The following CCDC169 variants were observed in gnomAD, a reference collection of about 807,000 sequenced individuals.
The protein encoded by CCDC169 is coiled-coil domain-containing protein 169.
A neutral mutation model predicts 36.0 loss-of-function variants in CCDC169; 30 were observed. That is an observed-to-expected ratio of 0.83 (90% CI 0.62 to 1.13). The LOEUF (loss-of-function observed/expected upper bound fraction) is 1.13, where lower values mean the gene tolerates loss of function less well. CCDC169 is among the 50% of genes most tolerant of loss of function. CCDC169 has a pLI of 0.00. For missense variants in CCDC169, 245 were observed against 245.9 expected (o/e 1.00, Z 0.03); for synonymous variants, 85 against 81.5 (o/e 1.04, Z -0.23).
downstream of CCDC169, among the ~76,000 whole-genome samples, chr13:36,228,183 C>G (rs1043251564): frequency 6.6e-6 from 1 of 152,068 alleles, no homozygotes; most frequent in Non-Finnish European, 1.5e-5. Context: ...GGGCATATAC[C>G]GAAGAGACTT....
intron 6 of CCDC169, among the ~76,000 whole-genome samples, 187 bp from the exon 7 acceptor site, chr13:36,248,869 T>G (rs1872802938): frequency 6.7e-6 from 1 of 150,042 alleles, no homozygotes; most frequent in South Asian, 2.1e-4. Flanking sequence ...ATTCTGGAAA[T>G]CCCCCTATCT....
intron 1 of CCDC169, among the ~76,000 whole-genome samples, chr13:36,297,103 T>A (rs1274550949): frequency 6.6e-6 from 1 of 152,174 alleles, no homozygotes; most frequent in East Asian, 1.9e-4. Flanking sequence ...GAGAGTCCAA[T>A]TCTCACGGGA....
chr13:36,240,926 T>G (rs545100155), intron 7 of CCDC169, among the ~76,000 whole-genome samples: 1 of 152,162 alleles, frequency 6.6e-6, no homozygotes, highest in Admixed American at 6.5e-5. Context: ...TTTGTCCAAT[T>G]GATATATGTA....
At chr13:36,274,085 T>A (rs1312365255) in intron 4 of CCDC169, among the ~76,000 whole-genome samples, 1 of 152,144 alleles carries the variant, frequency 6.6e-6, no homozygotes, top group East Asian at 1.9e-4. Context: ...ATGAGTTGTG[T>A]TTTAGGCATA....
Position 36,283,653 on chromosome 13 carries a change from TTCA to T in CCDC169, c.210_212del (p.Asp70del). 6.4e-7 allele frequency: 1 copy of T among 1,551,290 alleles called. No individual in the cohort carries two copies. ...TGAGATAAACAATTTGCTTTTCTAGTTCATCATTTAATTCAAGTTGTGTCTCAT... is the reference window on the plus strand; with the variant it reads ...TGAGATAAACAATTTGCTTTTCTAGTTCATTTAATTCAAGTTGTGTCTCAT... On this transcript the variant is annotated inframe_deletion, in exon 3 of 8. Coordinates refer to ENST00000239859, the MANE Select transcript of CCDC169 (RefSeq NM_001144981.3).
chr13:36,288,427 T>TTAC (rs1878502973), intron 2 of CCDC169, among the ~76,000 whole-genome samples: 2 of 152,212 alleles, frequency 1.3e-5, no homozygotes, highest in Admixed American at 1.3e-4. Flanking sequence ...AGATAAATGC[T>TTAC]TGTAAGTGGA....
At chr13:36,265,939 T>A (rs867902444) in intron 4 of CCDC169, among the ~76,000 whole-genome samples, 2 of 152,288 alleles carry the variant, frequency 1.3e-5, no homozygotes, top group Non-Finnish European at 1.5e-5. Context: ...TGCTCAATCA[T>A]CCTTGAGAGA....
chr13:36,276,168 G>A (rs934445470), intron 4 of CCDC169, among the ~76,000 whole-genome samples: 17 of 152,052 alleles, frequency 1.1e-4, no homozygotes, highest in Admixed American at 6.6e-5. Context: ...TAATTTGCAG[G>A]GAGACCAATC....
At chr13:36,272,110 A>C (rs1162787624) in intron 4 of CCDC169, among the ~76,000 whole-genome samples, 2 of 84,654 alleles carry the variant, frequency 2.4e-5, no homozygotes, top group South Asian at 7.7e-4. Flanking sequence ...TAAAAAAATA[A>C]ATAAATAAAT....
Position 36,283,502 on chromosome 13 carries a change from T to A in CCDC169, c.282A>T (p.Leu94=). 6.5e-7 allele frequency: 1 copy of A among 1,550,250 alleles called. No individual in the cohort carries two copies. The highest frequency in any genetic ancestry group is 8.7e-7 in the Non-Finnish European group (1 of 1,145,988). ...TTCGTTCATAGACACGAATAGAAGA[T>A]AGTCTATCTACAATAAATCAAATAT... ...EKIHGNSSDR[L]SSIRVYERMP... Residue 94 remains leucine, a synonymous_variant, in exon 4 of 8, where the codon CTA becomes CTT. Coordinates refer to ENST00000239859, the MANE Select transcript of CCDC169 (RefSeq NM_001144981.3).
downstream of CCDC169, chr13:36,223,953 T>A (rs1869736948): frequency 6.6e-6 from 1 of 152,156 alleles, no homozygotes; most frequent in African/African-American, 2.4e-5. Context: ...AAAATTGATA[T>A]AGGTAACTCT....
At chr13:36,227,242 A>G (rs1869929721), downstream of CCDC169, 2 of 1,550,740 alleles carry the variant, frequency 1.3e-6, no homozygotes, top group Admixed American at 3.9e-5. Context: ...AAGGTTGAGG[A>G]CCCATGTAAG....
At chr13:36,226,890 G>A (rs1028534037), downstream of CCDC169, 9 of 379,426 alleles carry the variant, frequency 2.4e-5, no homozygotes. Flanking sequence ...CCAAATCTCA[G>A]CATTATACAA....
At chr13:36,279,404 G>C (rs2138595002) in intron 4 of CCDC169, among the ~76,000 whole-genome samples, 1 of 151,876 alleles carries the variant, frequency 6.6e-6, no homozygotes, top group East Asian at 1.9e-4. Context: ...GTAGAGCTGG[G>C]GTGTCTTTAG....
chr13:36,269,187 T>C (rs12876793), intron 4 of CCDC169, among the ~76,000 whole-genome samples: 38,716 of 151,956 alleles, frequency 0.25, 5,214 homozygotes, highest in East Asian at 0.49. Context: ...ATGGATAAGT[T>C]CTTGGAAACA....
At chr13:36,274,868 A>ATT (rs3083971) in intron 4 of CCDC169, among the ~76,000 whole-genome samples, 18,806 of 118,186 alleles carry the variant, frequency 0.16, 2,090 homozygotes, top group African/African-American at 0.22. Flanking sequence ...CATTAGCTGC[A>ATT]TTTTTTTTTT....
chr13:36,234,400 G>A (rs1870825030), intron 7 of CCDC169, among the ~76,000 whole-genome samples: 1 of 152,036 alleles, frequency 6.6e-6, no homozygotes, highest in African/African-American at 2.4e-5. Context: ...CAGAAGGAGA[G>A]GGGAAAGAAA....
chr13:36,238,929 A>T (rs9635059), intron 7 of CCDC169, among the ~76,000 whole-genome samples: 59,838 of 152,036 alleles, frequency 0.39, 12,849 homozygotes, highest in Non-Finnish European at 0.48. Flanking sequence ...AACATATATT[A>T]ATAAAAAGAA....
At chr13:36,248,557 T>A in intron 7 of CCDC169, 49 bp downstream of exon 7, 3 of 1,525,800 alleles carry the variant, frequency 2.0e-6, no homozygotes, top group Non-Finnish European at 1.8e-6. Context: ...TCAGTGGCAT[T>A]TATGTGCAAA....
Sources: allele counts gnomAD v4.1 joint callset (sites outside exome capture counted in the v4.1 genomes callset), GRCh38; gene constraint gnomAD v4.1.1; transcripts MANE v1.5; gene names NCBI Gene and HGNC (gene_info 2026-07-23, HGNC 2026-07-21).